The following UBA5 variants were observed in gnomAD, a reference collection of about 807,000 sequenced individuals.
The protein encoded by UBA5 is ubiquitin like modifier activating enzyme 5, also known as ubiquitin-like modifier-activating enzyme 5.
In UBA5, 28 loss-of-function variants were observed where a neutral mutation model predicts 52.9. The ratio of observed to expected loss-of-function variants is 0.53; its 90% CI spans 0.39 to 0.73. UBA5 has a LOEUF of 0.73. UBA5 is among the 30% of genes least tolerant of loss of function. The pLI, the probability that UBA5 is intolerant of heterozygous loss-of-function variation, is 0.00. For synonymous variants in UBA5, 135 were observed against 162.1 expected, an observed-to-expected ratio of 0.83 and a Z score of 1.27; for missense variants, 388 against 492.7, an observed-to-expected ratio of 0.79 and a Z score of 2.01.
chr3:132,669,018 C>A, intron 4 of UBA5, 91 bp downstream of exon 4: 1 of 926,172 alleles, frequency 1.1e-6, no homozygotes, highest in East Asian at 2.8e-5. Flanking sequence ...TAATTTTTCT[C>A]TATAAAATGC....
Position 132,675,341 on chromosome 3 carries a change from G to C in UBA5, c.906G>C (p.Gln302His). 6.2e-7 allele frequency: 1 copy of C among 1,613,666 alleles called. No individual in the cohort carries two copies. The highest frequency in any genetic ancestry group is 1.7e-4 in the Middle Eastern group (1 of 6,036). Reference protein sequence around the residue: ...FPTMSMKPNPQCDDRNCRKQQ... With the variant: ...FPTMSMKPNPHCDDRNCRKQQ... ...CTATGTCCATGAAGCCAAATCCTCA[G>C]TGTGATGACAGAAATTGCAGGAAGC... Residue 302 changes from glutamine to histidine, a missense_variant, in exon 9 of 12, where the codon CAG becomes CAC. By Grantham distance (24) the Gln-to-His change is conservative (BLOSUM62 0). Coordinates refer to ENST00000356232, the MANE Select transcript of UBA5 (RefSeq NM_024818.6).
chr3:132,654,871 C>A (rs1937698827), intron 1 of UBA5, among the ~76,000 whole-genome samples: 1 of 152,216 alleles, frequency 6.6e-6, no homozygotes, highest in Non-Finnish European at 1.5e-5. Flanking sequence ...AACTTCTCAG[C>A]TGGTTGGAGT....
chr3:132,659,702 T>C (rs727503787), upstream of UBA5: 16 of 1,611,330 alleles, frequency 9.9e-6, no homozygotes, highest in Non-Finnish European at 1.4e-5. Context: ...GAACTTGTGC[T>C]GGGGCAGCAC....
chr3:132,669,878 AGT>A (rs1938528635), intron 4 of UBA5, among the ~76,000 whole-genome samples: 1 of 152,250 alleles, frequency 6.6e-6, no homozygotes, highest in Non-Finnish European at 1.5e-5. Flanking sequence ...TAGTCCTTGA[AGT>A]GTGAGATAAA....
intron 8 of UBA5, among the ~76,000 whole-genome samples, chr3:132,672,633 ATTG>A (rs1200294959): frequency 1.3e-5 from 2 of 152,204 alleles, no homozygotes; most frequent in Non-Finnish European, 2.9e-5. Flanking sequence ...AACAGTAATT[ATTG>A]TTAATGTAAT....
At position 132,670,010 on chromosome 3, in the gene UBA5, C is replaced by G. The variant is rs974986057; in HGVS notation, c.408-188C>G. Among the ~76,000 whole-genome samples, 9 of 152,098 alleles carry G rather than the reference C, an allele frequency of 5.9e-5. No individual in the cohort carries two copies. The East Asian group carries it at 1.7e-3, about 29-fold the overall frequency. On this transcript the variant is annotated intron_variant, in intron 4 of 11. Coordinates refer to ENST00000356232, the MANE Select transcript of UBA5 (RefSeq NM_024818.6). The stretch of plus-strand genomic sequence containing the variant: ...TCACAGTTTTTTCTTACTACAGCTA[C>G]TAGTAGTAGTCTTTTTAAAAACATT...
chr3:132,665,907 C>G (rs187555931), intron 2 of UBA5, 39 bp downstream of exon 2: 2 of 1,610,724 alleles, frequency 1.2e-6, no homozygotes, highest in Non-Finnish European at 1.7e-6. Context: ...AAGATTAATT[C>G]AGTAAATTAA....
chr3:132,668,051 C>T (rs181039256), intron 3 of UBA5: 2 of 151,436 alleles, frequency 1.3e-5, no homozygotes, highest in East Asian at 3.9e-4. Context: ...GTTTAGTGTG[C>T]TGAGAATTGT....
rs1208483444 is a variant in UBA5 at position 132,672,095 on chromosome 3, C to T, written c.730C>T (p.Leu244=). The change falls in exon 8 of 12, where the codon CTG becomes TTG. Residue 244 remains leucine, a synonymous_variant. Transcript: ENST00000356232. ...VVAANIDEKT[L]KREGVCAASL... is the part of the protein sequence containing the mutation. Reference sequence around the variant, plus strand: ...TGCTGCAAATATTGATGAAAAGACTCTGAAACGAGAAGGTGTTTGTGCAGC... The same window carrying T: ...TGCTGCAAATATTGATGAAAAGACTTTGAAACGAGAAGGTGTTTGTGCAGC... The T allele has an allele frequency of 6.2e-7, 1 of 1,613,822 alleles. No homozygotes were observed. Among genetic ancestry groups the T allele is most frequent in the African/African-American group, 1.3e-5 (1 of 74,860 alleles).
rs749922884 is a variant in UBA5, at chr3:132,672,192, A to T, written c.812+15A>T. The stretch of plus-strand genomic sequence containing the variant: ...AACGTGTTAAAGTAAGTCAGGGCTA[A>T]TTTTTCTGAATAGTCTTGTATGCTT... On this transcript the variant is annotated intron_variant, in intron 8 of 11. Transcript: ENST00000356232. 3.1e-6 allele frequency: 5 copies of T among 1,611,238 alleles called. No individual in the cohort carries two copies. The highest frequency in any genetic ancestry group is 4.2e-6 in the Non-Finnish European group (5 of 1,179,076).
chr3:132,676,739 A>G lies in UBA5; in HGVS notation c.*213A>G. On this transcript the variant is annotated 3_prime_UTR_variant, in exon 12 of 12. Coordinates refer to ENST00000356232, the MANE Select transcript of UBA5 (RefSeq NM_024818.6). This position sits in a 1 kb window ranked among gnomAD's most constrained non-coding sequence, Gnocchi z 4.1. The stretch of plus-strand genomic sequence containing the variant: ...AAAATGTGTTTCATTCTAGTAAGAA[A>G]ACCTCAAAGGATATTGTAGGATATA... The G allele has an allele frequency of 1.7e-6, 1 of 600,608 alleles. No individual in the cohort carries two copies. Among genetic ancestry groups the G allele is most frequent in the Non-Finnish European group, 3.1e-6 (1 of 322,006 alleles). 37.2% of individuals were successfully genotyped at this position (600,608 alleles called of 1,614,324 possible). A position where few individuals can be genotyped will look rare whatever the true frequency, so the allele number is the denominator to read the frequency against.
Position 132,679,310 on chromosome 3 carries a change from GTACTC to G in UBA5, c.*2787_*2791del, listed in dbSNP as rs1938957678. Among the ~76,000 whole-genome samples the G allele has an allele frequency of 6.6e-6, 1 of 151,990 alleles. No individual in the cohort carries two copies. Among genetic ancestry groups the G allele is most frequent in the Admixed American group, 6.6e-5 (1 of 15,246 alleles). On this transcript the variant is annotated 3_prime_UTR_variant, in exon 12 of 12. Transcript: ENST00000356232. ...TGAATAAAAATTATAACTAGAATAA[GTACTC>G]TAACAATTCAGATTTATAATTGAGT...
upstream of UBA5, among the ~76,000 whole-genome samples, chr3:132,658,064 T>C (rs1937908725): frequency 6.6e-6 from 1 of 152,100 alleles, no homozygotes; most frequent in Non-Finnish European, 1.5e-5. Flanking sequence ...GGTTTCACCA[T>C]GTTGGCCAGG....
chr3:132,672,694 A>G (rs1212819386), intron 8 of UBA5, among the ~76,000 whole-genome samples: 2 of 152,208 alleles, frequency 1.3e-5, no homozygotes, highest in Admixed American at 6.5e-5. Context: ...AAATGTTAAC[A>G]TTTATATTAG....
chr3:132,662,128 T>C (rs1938195407), intron 1 of UBA5, among the ~76,000 whole-genome samples: 1 of 152,226 alleles, frequency 6.6e-6, no homozygotes, highest in Non-Finnish European at 1.5e-5. Flanking sequence ...ATTGTAATTA[T>C]AACAAAACTT....
In UBA5 at chr3:132,675,849, G is replaced by A. The variant is rs1437254662; in HGVS notation, c.1057G>A (p.Glu353Lys). ...IELVSEVSEE[E>K]LKNFSGPVPD... ...GCTGGTATCTGAGGTTTCAGAAGAG[G>A]AACTGAAAAATTTTTCAGGTCCAGT... Residue 353 changes from glutamate to lysine, a missense_variant, in exon 11 of 12, where the codon GAA (glutamate) becomes AAA (lysine). Coordinates refer to ENST00000356232, the MANE Select transcript of UBA5 (RefSeq NM_024818.6). 1.2e-6 allele frequency: 2 copies of A among 1,611,270 alleles called. No individual in the cohort carries two copies. The highest frequency in any genetic ancestry group is 2.2e-5 in the East Asian group (1 of 44,744).
At chr3:132,662,975 A>G (rs976949573) in intron 1 of UBA5, among the ~76,000 whole-genome samples, 8 of 152,202 alleles carry the variant, frequency 5.3e-5, no homozygotes, top group South Asian at 2.1e-4. Flanking sequence ...CAACCTCACT[A>G]AAGTGACAGT....
At chr3:132,655,050 G>A (rs1386906638) in intron 1 of UBA5, among the ~76,000 whole-genome samples, 1 of 152,136 alleles carries the variant, frequency 6.6e-6, no homozygotes, top group Non-Finnish European at 1.5e-5. Context: ...TTTAAACATA[G>A]AAAAGGTACA....
intron 6 of UBA5, among the ~76,000 whole-genome samples, chr3:132,671,550 G>C (rs1243934240): frequency 6.6e-6 from 1 of 152,010 alleles, no homozygotes; most frequent in Non-Finnish European, 1.5e-5. Flanking sequence ...AATAAACTTT[G>C]ATTCAATTTA....
Sources: allele counts gnomAD v4.1 joint callset (sites outside exome capture counted in the v4.1 genomes callset), GRCh38; gene constraint gnomAD v4.1.1; non-coding constraint Gnocchi (gnomAD v3.1); transcripts MANE v1.5; gene names NCBI Gene and HGNC (gene_info 2026-07-23, HGNC 2026-07-21).